Variants in LMX1A observed in about 807,000 individuals in gnomAD.
LMX1A encodes LIM homeobox transcription factor 1-alpha.
LMX1A carries 15 observed loss-of-function variants against 49.1 expected under a neutral mutation model. That is an observed-to-expected ratio of 0.31 (90% confidence interval 0.20 to 0.47). The LOEUF (loss-of-function observed/expected upper bound fraction) is 0.47. Ranked by LOEUF, LMX1A falls within the 20% of genes least tolerant of loss-of-function variation. LMX1A has a pLI of 1.00. For missense variants in LMX1A, 372 were observed against 475.8 expected, an observed-to-expected ratio of 0.78 and a Z score of 2.03; for synonymous variants, 167 against 185.7, an observed-to-expected ratio of 0.90 and a Z score of 0.82.
intron 3 of LMX1A, among the ~76,000 whole-genome samples, chr1:165,336,922 G>A (rs574730103): frequency 2.2e-4 from 34 of 152,288 alleles, no homozygotes; most frequent in South Asian, 2.1e-4. Flanking sequence ...AGTGGTCTGG[G>A]AAAAGAGAAA....
intron 5 of LMX1A, 114 bp downstream of exon 5, chr1:165,213,527 T>G (rs1467061533): frequency 5.1e-6 from 5 of 981,678 alleles, no homozygotes; most frequent in Non-Finnish European, 7.7e-6. Flanking sequence ...AGGCTCTGTC[T>G]GAACAGCCTT....
In LMX1A at chr1:165,355,830, C is replaced by T. The variant is rs1656591130; in HGVS notation, c.-22-249G>A. 2.0e-6 allele frequency: 1 copy of T among 496,150 alleles called. No homozygotes were observed. Among genetic ancestry groups the T allele is most frequent in the African/African-American group, 1.9e-5 (1 of 51,670 alleles). The allele number at this position is 496,150 out of a possible 1,614,324, so 30.7% of individuals were successfully genotyped here. A position where few individuals can be genotyped will look rare whatever the true frequency, so the allele number is the denominator to read the frequency against. ...AGGCCTCCGCCCCCCAACTGCGTTT[C>T]TCCTTCTCCTGCCCCCCTCACCCCC... On this transcript the variant is annotated intron_variant, in intron 1 of 8. Transcript: ENST00000342310. This position sits in a 1 kb window ranked among gnomAD's most constrained non-coding sequence, Gnocchi z 4.7.
At chr1:165,318,256 A>G (rs2101740826) in intron 3 of LMX1A, among the ~76,000 whole-genome samples, 1 of 152,322 alleles carries the variant, frequency 6.6e-6, no homozygotes, top group Middle Eastern at 3.4e-3. Context: ...TTAACCAAAA[A>G]CAAATTATCC....
intron 4 of LMX1A, among the ~76,000 whole-genome samples, chr1:165,228,116 T>C (rs1486785425): frequency 6.6e-6 from 1 of 152,210 alleles, no homozygotes; most frequent in Non-Finnish European, 1.5e-5. Context: ...CATTTTAGAA[T>C]CTAAATAAAA....
intron 5 of LMX1A, chr1:165,212,899 C>A (rs114070780): frequency 6.6e-6 from 1 of 152,166 alleles, no homozygotes; most frequent in Non-Finnish European, 1.5e-5. Context: ...ATGATTTGAG[C>A]AACCCCTGGA....
At chr1:165,304,953 T>C (rs913908453) in intron 3 of LMX1A, among the ~76,000 whole-genome samples, 6 of 152,218 alleles carry the variant, frequency 3.9e-5, no homozygotes, top group African/African-American at 1.4e-4. Flanking sequence ...TGGGTGCATC[T>C]ACCTCATGCT....
Position 165,355,847 on chromosome 1 carries a change from C to T in LMX1A, c.-22-266G>A, listed in dbSNP as rs1557895200. On this transcript the variant is annotated intron_variant, in intron 1 of 8. Transcript: ENST00000342310. This position sits in a 1 kb window ranked among gnomAD's most constrained non-coding sequence, Gnocchi z 4.7. ...CTGCGTTTCTCCTTCTCCTGCCCCC[C>T]TCACCCCCACCTACATCCCTTGCCC... The T allele has an allele frequency of 1.7e-5, 8 of 473,910 alleles. No individual in the cohort carries two copies. Among genetic ancestry groups the T allele is most frequent in the South Asian group, 1.1e-4 (4 of 35,564 alleles). The allele number at this position is 473,910 out of a possible 1,614,324, so 29.4% of individuals were successfully genotyped here.
At chr1:165,257,761 G>T (rs1653299552) in intron 3 of LMX1A, among the ~76,000 whole-genome samples, 1 of 152,176 alleles carries the variant, frequency 6.6e-6, no homozygotes, top group African/African-American at 2.4e-5. Context: ...GAGAGGCTAA[G>T]ATCTTCATCA....
At chr1:165,314,191 TG>T (rs1655155711) in intron 3 of LMX1A, among the ~76,000 whole-genome samples, 1 of 152,158 alleles carries the variant, frequency 6.6e-6, no homozygotes. Flanking sequence ...TGGCAGCGGT[TG>T]GGGGAGTGAC....
At chr1:165,335,987 A>G (rs942763103) in intron 3 of LMX1A, among the ~76,000 whole-genome samples, 3 of 152,184 alleles carry the variant, frequency 2.0e-5, no homozygotes, top group Non-Finnish European at 4.4e-5. Flanking sequence ...CTACTCTGCA[A>G]TTGGTTGGTA....
At chr1:165,322,096 T>C (rs1264322403) in intron 3 of LMX1A, among the ~76,000 whole-genome samples, 3 of 152,124 alleles carry the variant, frequency 2.0e-5, no homozygotes, top group African/African-American at 7.2e-5. Flanking sequence ...CATTAGTCTT[T>C]AGGGAAATGC....
intron 3 of LMX1A, among the ~76,000 whole-genome samples, chr1:165,336,256 G>A (rs540352159): frequency 1.3e-5 from 2 of 152,196 alleles, no homozygotes; most frequent in Admixed American, 1.3e-4. Context: ...CCTTCTCACA[G>A]TGTTATTTCC....
chr1:165,224,168 T>G (rs532902773), intron 4 of LMX1A, among the ~76,000 whole-genome samples: 14 of 152,224 alleles, frequency 9.2e-5, no homozygotes, highest in Admixed American at 2.0e-4. Flanking sequence ...TTTCTCTTGC[T>G]TCTTCTCCAC....
At chr1:165,210,649 T>C in intron 6 of LMX1A, 50 bp downstream of exon 6, 1 of 1,422,416 alleles carries the variant, frequency 7.0e-7, no homozygotes, top group Non-Finnish European at 9.9e-7. Flanking sequence ...ACTGTGATTA[T>C]TTCAGGAAAC....
At chr1:165,205,073 G>A (rs1341559446) in intron 8 of LMX1A, among the ~76,000 whole-genome samples, 5 of 152,028 alleles carry the variant, frequency 3.3e-5, no homozygotes, top group Non-Finnish European at 7.4e-5. Flanking sequence ...TGATACTAAT[G>A]TTTTGAAGAC....
At chr1:165,278,489 G>A (rs1287911541) in intron 3 of LMX1A, among the ~76,000 whole-genome samples, 1 of 152,126 alleles carries the variant, frequency 6.6e-6, no homozygotes, top group African/African-American at 2.4e-5. Context: ...AGTACCTGCT[G>A]CCAAGTTCCT....
rs191738750 is a variant in LMX1A at position 165,325,034 on chromosome 1, C to A, written c.263+28042G>T. On this transcript the variant is annotated intron_variant, in intron 3 of 8. Transcript: ENST00000342310. ...TAAATGTCTCTCCAGGGAGCCCCTG[C>A]CACTCCTTAGCCCCCAGATGACCAC... 3.6e-4 allele frequency among the ~76,000 whole-genome samples: 55 copies of A among 152,304 alleles called. 1 individual carries two copies. The highest frequency in any genetic ancestry group is 6.9e-4 in the Non-Finnish European group (47 of 68,016).
chr1:165,325,822 A>C (rs1655561238), intron 3 of LMX1A, among the ~76,000 whole-genome samples: 1 of 152,210 alleles, frequency 6.6e-6, no homozygotes, highest in South Asian at 2.1e-4. Context: ...TCCCAAAGTT[A>C]ATAAACCTGG....
intron 4 of LMX1A, among the ~76,000 whole-genome samples, chr1:165,232,416 C>A (rs1413267503): frequency 6.6e-6 from 1 of 152,172 alleles, no homozygotes; most frequent in Non-Finnish European, 1.5e-5. Context: ...CAATGGATCT[C>A]CCTTACATGT....
Sources: allele counts gnomAD v4.1 joint callset (sites outside exome capture counted in the v4.1 genomes callset), GRCh38; gene constraint gnomAD v4.1.1; non-coding constraint Gnocchi (gnomAD v3.1); transcripts MANE v1.5; gene names NCBI Gene and HGNC (gene_info 2026-07-23, HGNC 2026-07-21).